The following RCHY1 variants were observed in gnomAD, a reference collection of about 807,000 sequenced individuals.
The protein encoded by RCHY1 is RING finger and CHY zinc finger domain-containing protein 1.
A neutral mutation model predicts 41.6 loss-of-function variants in RCHY1; 21 were observed. The ratio of observed to expected loss-of-function variants is 0.51; its 90% CI spans 0.36 to 0.73. RCHY1 has a LOEUF of 0.73. Ranked by LOEUF, RCHY1 falls within the 30% of genes least tolerant of loss-of-function variation. The pLI is 0.00. For missense variants in RCHY1, 265 were observed against 325.3 expected (o/e 0.81, Z 1.43); for synonymous variants, 79 against 102.9 (o/e 0.77, Z 1.41).
At chr4:75,510,545 G>T (rs143807108) in intron 1 of RCHY1, among the ~76,000 whole-genome samples, 1 of 152,132 alleles carries the variant, frequency 6.6e-6, no homozygotes, top group East Asian at 1.9e-4. Context: ...TCCTTTTTCT[G>T]CAACTCTCAG....
chr4:75,504,204 T>C (rs1433897470), intron 3 of RCHY1, among the ~76,000 whole-genome samples: 5 of 152,180 alleles, frequency 3.3e-5, no homozygotes, highest in Non-Finnish European at 7.3e-5. Context: ...AAATCTAGTA[T>C]CAGTTATTTA....
chr4:75,502,908 G>A (rs191695126), intron 3 of RCHY1, among the ~76,000 whole-genome samples: 14 of 151,914 alleles, frequency 9.2e-5, no homozygotes, highest in East Asian at 1.9e-4. Flanking sequence ...TAAAGAGTCC[G>A]CAGATACCTT....
chr4:75,501,002 A>G (rs1723692243), intron 3 of RCHY1, among the ~76,000 whole-genome samples: 1 of 152,112 alleles, frequency 6.6e-6, no homozygotes, highest in Non-Finnish European at 1.5e-5. Context: ...TACATACTAT[A>G]TACAATAAAA....
chr4:75,502,337 G>A (rs1011544133), intron 3 of RCHY1, among the ~76,000 whole-genome samples: 4 of 152,056 alleles, frequency 2.6e-5, no homozygotes, highest in Non-Finnish European at 5.9e-5. Flanking sequence ...TCAGGAGATC[G>A]AGACCATGCT....
chr4:75,494,290 A>G (rs991015162), intron 3 of RCHY1, 111 bp from the exon 4 acceptor site: 16 of 695,102 alleles, frequency 2.3e-5, no homozygotes, highest in African/African-American at 1.5e-4. Flanking sequence ...TCCAGCCACA[A>G]TGGAGAATAT....
chr4:75,487,829 A>G (rs1304765951), intron 8 of RCHY1, among the ~76,000 whole-genome samples: 1 of 103,842 alleles, frequency 9.6e-6, no homozygotes, highest in East Asian at 2.6e-4. Context: ...TTCATAATAT[A>G]TATATTCATA....
At chr4:75,487,523 T>G (rs1340809096) in intron 8 of RCHY1, among the ~76,000 whole-genome samples, 16 of 120,182 alleles carry the variant, frequency 1.3e-4, no homozygotes, top group African/African-American at 4.4e-4. Context: ...AATATATATA[T>G]TCATAATATA....
chr4:75,482,483 G>T lies in RCHY1; in HGVS notation c.*55C>A, dbSNP rs1721597875. 4.0e-6 allele frequency: 6 copies of T among 1,510,528 alleles called. No individual in the cohort carries two copies. The highest frequency in any genetic ancestry group is 1.4e-5 in the African/African-American group (1 of 71,226). The allele number at this position is 1,510,528 out of a possible 1,614,324, so 93.6% of individuals were successfully genotyped here. On this transcript the variant is annotated 3_prime_UTR_variant, in exon 9 of 9. Transcript: ENST00000324439. ...CGACACATGATAACACGATACCAAG[G>T]AAAGCCTTTTTCTATATCAGAAAAT... is the stretch of plus-strand genomic sequence containing the variant.
chr4:75,494,064 G>A, intron 4 of RCHY1, 37 bp downstream of exon 4: 1 of 1,191,020 alleles, frequency 8.4e-7, no homozygotes, highest in Non-Finnish European at 1.2e-6. Context: ...CAAAAACACT[G>A]TAATATTTTT....
chr4:75,507,933 C>G (rs1724483866), intron 3 of RCHY1, among the ~76,000 whole-genome samples: 1 of 152,062 alleles, frequency 6.6e-6, no homozygotes, highest in African/African-American at 2.4e-5. Flanking sequence ...AGGGGGCACA[C>G]AGGAAGCTAT....
rs943634265 is a variant in RCHY1, at chr4:75,480,082, T to C, written c.*2456A>G. The C allele has an allele frequency of 6.6e-6, 1 of 152,168 alleles. No homozygotes were observed. Among genetic ancestry groups the C allele is most frequent in the Non-Finnish European group, 1.5e-5 (1 of 68,006 alleles). The allele number at this position is 152,168 out of a possible 1,614,324, so 9.4% of individuals were successfully genotyped here. ...TTATTCTTATTGTGAATGAGAAGTGTTGAAGGATTTTAATCATCGAGTTGA... is the reference window on the plus strand; with the variant it reads ...TTATTCTTATTGTGAATGAGAAGTGCTGAAGGATTTTAATCATCGAGTTGA... On this transcript the variant is annotated 3_prime_UTR_variant, in exon 9 of 9. Coordinates refer to ENST00000324439, the MANE Select transcript of RCHY1 (RefSeq NM_015436.4).
intron 7 of RCHY1, 96 bp from the exon 8 acceptor site, chr4:75,490,797 TC>T: frequency 1.2e-6 from 1 of 843,694 alleles, no homozygotes; most frequent in South Asian, 2.1e-5. Flanking sequence ...CATGAACCAT[TC>T]AAAACAGGCA....
chr4:75,494,378 C>CT (rs1207504245), intron 3 of RCHY1, 199 bp from the exon 4 acceptor site: 18 of 438,786 alleles, frequency 4.1e-5, no homozygotes, highest in Non-Finnish European at 5.3e-5. Context: ...CCTTCTAGGG[C>CT]TTTTTTTTCT....
chr4:75,490,740 A>G (rs1722671798), intron 7 of RCHY1, 39 bp from the exon 8 acceptor site: 3 of 1,521,780 alleles, frequency 2.0e-6, no homozygotes, highest in Admixed American at 1.7e-5. Context: ...AATATTAAAC[A>G]AGAATATATT....
At position 75,480,952 on chromosome 4, in the gene RCHY1, C is replaced by G. The variant is rs1721478660; in HGVS notation, c.*1586G>C. The G allele has an allele frequency of 6.6e-6, 1 of 152,308 alleles. No homozygotes were observed. Among genetic ancestry groups the G allele is most frequent in the Admixed American group, 6.5e-5 (1 of 15,268 alleles). 9.4% of individuals were successfully genotyped at this position (152,308 alleles called of 1,614,324 possible). A position where few individuals can be genotyped will look rare whatever the true frequency, so the allele number is the denominator to read the frequency against. Reference sequence around the variant, plus strand: ...GCTGCAGTGAGCTACGATCACTTCACTACACTCTAGCCTAAATGACAGAGC... The same window carrying G: ...GCTGCAGTGAGCTACGATCACTTCAGTACACTCTAGCCTAAATGACAGAGC... On this transcript the variant is annotated 3_prime_UTR_variant, in exon 9 of 9. Transcript: ENST00000324439.
At chr4:75,488,903 C>A (rs532161457) in intron 8 of RCHY1, among the ~76,000 whole-genome samples, 56 of 152,078 alleles carry the variant, frequency 3.7e-4, no homozygotes, top group African/African-American at 1.3e-3. Context: ...GGCGAAACAC[C>A]GACTCTACTA....
intron 8 of RCHY1, among the ~76,000 whole-genome samples, chr4:75,488,003 T>C (rs1461180289): frequency 6.9e-6 from 1 of 145,234 alleles, no homozygotes; most frequent in East Asian, 2.0e-4. Context: ...AATTAAGTCT[T>C]TTTTTTTTAC....
chr4:75,505,792 C>T (rs1724241700), intron 3 of RCHY1, among the ~76,000 whole-genome samples: 2 of 152,104 alleles, frequency 1.3e-5, no homozygotes, highest in African/African-American at 2.4e-5. Flanking sequence ...TAAAGAGCAA[C>T]TGAGTGCTTG....
chr4:75,514,166 T>G, intron 1 of RCHY1, 31 bp downstream of exon 1: 1 of 1,587,748 alleles, frequency 6.3e-7, no homozygotes. Context: ...TGACGGAAGC[T>G]TGTCAGGGAA....
Sources: gnomAD v4.1 joint callset for allele counts (sites outside exome capture counted in the v4.1 genomes callset) on GRCh38, gnomAD v4.1.1 for gene constraint, MANE v1.5 for transcripts, NCBI Gene and HGNC (gene_info 2026-07-23, HGNC 2026-07-21) for gene names.